The following CEP290 variants were observed in gnomAD, a reference collection of about 807,000 sequenced individuals.
CEP290 encodes centrosomal protein 290.
Under a neutral mutation model 344.9 loss-of-function variants are expected in CEP290, and 317 were observed. The observed-to-expected ratio is 0.92, with a 90% CI of 0.84 to 1.01. The LOEUF (loss-of-function observed/expected upper bound fraction) is 1.01, where lower values mean the gene tolerates loss of function less well. CEP290 is among the 50% of genes least tolerant of loss of function. The pLI, the probability that CEP290 is intolerant of heterozygous loss-of-function variation, is 0.00. For synonymous variants in CEP290, 932 were observed against 895.8 expected (o/e 1.04, Z -0.72); for missense variants, 2,754 against 2,761.4 (o/e 1.00, Z 0.06).
chr12:88,110,223 T>C (rs2038582759), intron 22 of CEP290, among the ~76,000 whole-genome samples: 1 of 152,194 alleles, frequency 6.6e-6, no homozygotes, highest in South Asian at 2.1e-4. Flanking sequence ...TATGTGATGT[T>C]ATAGATAGTC....
In CEP290 at chr12:88,105,251, T is replaced by A. The variant is rs368518953; in HGVS notation, c.2817+1424A>T. Among the ~76,000 whole-genome samples, 25 of 152,308 alleles carry A rather than the reference T, an allele frequency of 1.6e-4. No individual in the cohort carries two copies. The South Asian group carries it at 5.2e-3, about 32-fold the overall frequency. On this transcript the variant is annotated intron_variant, in intron 25 of 53. Coordinates refer to ENST00000552810, the MANE Select transcript of CEP290 (RefSeq NM_025114.4). ...TTGTCAAGACAATATAAGAGTCAACTTTAAAGGACTCTCTTTGGCTAAAGT... is the reference window on the plus strand; with the variant it reads ...TTGTCAAGACAATATAAGAGTCAACATTAAAGGACTCTCTTTGGCTAAAGT...
At chr12:88,097,979 A>G (rs1565862606) in intron 26 of CEP290, among the ~76,000 whole-genome samples, 1 of 152,120 alleles carries the variant, frequency 6.6e-6, no homozygotes, top group Non-Finnish European at 1.5e-5. Flanking sequence ...GGCAGCAGAT[A>G]ATAAGCAAGT....
intron 28 of CEP290, 158 bp downstream of exon 28, chr12:88,093,612 T>G: frequency 3.6e-6 from 2 of 554,886 alleles, no homozygotes; most frequent in Non-Finnish European, 3.1e-6. Flanking sequence ...TTTTAAACAA[T>G]TCAGATTTAA....
intron 44 of CEP290, among the ~76,000 whole-genome samples, chr12:88,066,425 G>C (rs930673709): frequency 6.8e-6 from 1 of 147,522 alleles, no homozygotes; most frequent in African/African-American, 2.5e-5. Flanking sequence ...TCTGCCTCCC[G>C]AGTAGCTAGG....
Position 88,139,132 on chromosome 12 carries a change from CA to C in CEP290, c.297+12del. 4 of 1,160,410 alleles carry C rather than the reference CA, an allele frequency of 3.4e-6. No individual in the cohort carries two copies. Among genetic ancestry groups the C allele is most frequent in the East Asian group, 2.7e-5 (1 of 36,668 alleles). 71.9% of individuals were successfully genotyped at this position (1,160,410 alleles called of 1,614,324 possible). Reference sequence around the variant, plus strand: ...AATGACAATTACATCCTAGGGAATACAAAAAGACATACCTCCAGTTCATTTT... The same window carrying C: ...AATGACAATTACATCCTAGGGAATACAAAAGACATACCTCCAGTTCATTTT... On this transcript the variant is annotated intron_variant, in intron 5 of 53. Transcript: ENST00000552810.
intron 3 of CEP290, among the ~76,000 whole-genome samples, chr12:88,140,337 T>C (rs2040575138): frequency 6.6e-6 from 1 of 152,200 alleles, no homozygotes; most frequent in Non-Finnish European, 1.5e-5. Context: ...TTTGTACCTA[T>C]CAATTGTGTT....
At chr12:88,064,527 G>T (rs1417935349) in intron 44 of CEP290, among the ~76,000 whole-genome samples, 1 of 152,096 alleles carries the variant, frequency 6.6e-6, no homozygotes, top group Non-Finnish European at 1.5e-5. Flanking sequence ...CTCAGAATGT[G>T]ACTTTATTTG....
At chr12:88,126,484 T>C in intron 11 of CEP290, 46 bp from the exon 12 acceptor site, 1 of 1,282,836 alleles carries the variant, frequency 7.8e-7, no homozygotes, top group Non-Finnish European at 1.1e-6. Context: ...GGAAAGTTAA[T>C]AAAACATTCT....
intron 43 of CEP290, among the ~76,000 whole-genome samples, 159 bp downstream of exon 43, chr12:88,071,135 C>CA (rs1227426327): frequency 6.6e-6 from 1 of 151,868 alleles, no homozygotes; most frequent in Non-Finnish European, 1.5e-5. Flanking sequence ...AAAAATACAC[C>CA]AAAATTATGT....
Position 88,119,525 on chromosome 12 carries a change from G to A in CEP290, c.1522+589C>T, listed in dbSNP as rs558187635. Among the ~76,000 whole-genome samples the A allele has an allele frequency of 2.0e-5, 3 of 152,192 alleles. No homozygotes were observed. The South Asian group carries it at 6.2e-4, about 32-fold the overall frequency. Reference sequence around the variant, plus strand: ...TTTAAAAGATTTTAACAGGCCAGGCGCGGTGGCTCATGCCTATTATCCCAG... The same window carrying A: ...TTTAAAAGATTTTAACAGGCCAGGCACGGTGGCTCATGCCTATTATCCCAG... On this transcript the variant is annotated intron_variant, in intron 15 of 53. Transcript: ENST00000552810.
intron 27 of CEP290, among the ~76,000 whole-genome samples, chr12:88,094,612 C>T (rs1437049591): frequency 6.6e-6 from 1 of 151,796 alleles, no homozygotes; most frequent in South Asian, 2.1e-4. Flanking sequence ...GGAAAGAGAA[C>T]TAAAAGCCTC....
At chr12:88,117,446 A>G (rs2039121333) in intron 17 of CEP290, among the ~76,000 whole-genome samples, 1 of 152,226 alleles carries the variant, frequency 6.6e-6, no homozygotes, top group South Asian at 2.1e-4. Context: ...AATATAAATG[A>G]TGAGTAATGA....
At position 88,120,207 on chromosome 12, in the gene CEP290, G is replaced by T. The variant is rs1170451277; in HGVS notation, c.1429C>A (p.Arg477=). 1.3e-6 allele frequency: 2 copies of T among 1,508,050 alleles called. No homozygotes were observed. The highest frequency in any genetic ancestry group is 1.8e-6 in the Non-Finnish European group (2 of 1,121,846). The allele number at this position is 1,508,050 out of a possible 1,614,324, so 93.4% of individuals were successfully genotyped here. A position where few individuals can be genotyped will look rare whatever the true frequency, so the allele number is the denominator to read the frequency against. Residue 477 remains arginine, a synonymous_variant, in exon 15 of 54, where the codon CGA becomes AGA. Transcript: ENST00000552810. ...NCKNQIKIRD[R]EIEILTKEIN... ...TCCTTTGTTAATATTTCAATCTCTC[G>T]ATCTCTTATTTTAATTTGGTTTTTA...
chr12:88,080,204 G>C lies in CEP290; in HGVS notation c.5204C>G (p.Ala1735Gly), dbSNP rs1311947993. ...NLVERLKSQL[A>G]LKEKQQKALS... The stretch of plus-strand genomic sequence containing the variant: ...TACTTTCTGTTGTTTCTCCTTCAAG[G>C]CTAATTGGCTCTTTAGCCGTTCTAC... Residue 1735 changes from alanine to glycine, a missense_variant, in exon 38 of 54, where the codon GCC becomes GGC. Coordinates refer to ENST00000552810, the MANE Select transcript of CEP290 (RefSeq NM_025114.4). 6.2e-7 allele frequency: 1 copy of C among 1,608,330 alleles called. No homozygotes were observed.
At chr12:88,084,001 A>C (rs2036386857) in intron 35 of CEP290, 47 bp from the exon 36 acceptor site, 2 of 1,204,360 alleles carry the variant, frequency 1.7e-6, no homozygotes, top group African/African-American at 3.1e-5. Context: ...TGATTAAAAC[A>C]AATTCACATT....
At chr12:88,135,313 C>T (rs2040295571) in intron 6 of CEP290, among the ~76,000 whole-genome samples, 1 of 151,986 alleles carries the variant, frequency 6.6e-6, no homozygotes, top group East Asian at 1.9e-4. Flanking sequence ...AGACAATAGT[C>T]TAAGATATAA....
In CEP290 at chr12:88,113,606, T is replaced by C. The variant is rs577703637; in HGVS notation, c.2052+814A>G. 5.9e-5 allele frequency among the ~76,000 whole-genome samples: 9 copies of C among 152,144 alleles called. No homozygotes were observed. The South Asian group carries it at 1.9e-3, about 32-fold the overall frequency. On this transcript the variant is annotated intron_variant, in intron 20 of 53. Transcript: ENST00000552810. ...TCAAGCACAAATTTGGGAAATAATA[T>C]GACAATGTACGCTAAATATGTTCAG... is the stretch of plus-strand genomic sequence containing the variant.
chr12:88,062,608 G>A, intron 46 of CEP290, 84 bp downstream of exon 46: 1 of 836,496 alleles, frequency 1.2e-6, no homozygotes, highest in Admixed American at 2.1e-5. Flanking sequence ...AGGCATATCA[G>A]TACTTTTACA....
chr12:88,075,111 G>A (rs2035663741), intron 41 of CEP290, among the ~76,000 whole-genome samples: 1 of 152,136 alleles, frequency 6.6e-6, no homozygotes, highest in South Asian at 2.1e-4. Flanking sequence ...CTATCTCCAG[G>A]TAGATGATGA....
Sources: allele counts gnomAD v4.1 joint callset (sites outside exome capture counted in the v4.1 genomes callset), GRCh38; gene constraint gnomAD v4.1.1; transcripts MANE v1.5; gene names NCBI Gene and HGNC (gene_info 2026-07-23, HGNC 2026-07-21).